KCNJ6: variants seen among roughly 807,000 people sequenced by gnomAD.
The protein encoded by KCNJ6 is potassium inwardly rectifying channel subfamily J member 6.
KCNJ6 carries 9 observed loss-of-function variants against 34.2 expected under a neutral mutation model. The observed-to-expected ratio is 0.26, with a 90% CI of 0.16 to 0.46. The LOEUF is 0.46. Ranked by LOEUF, KCNJ6 falls within the 20% of genes least tolerant of loss-of-function variation. The probability of loss-of-function intolerance (pLI) is 1.00; values close to 1 mark genes in which losing one functional copy is unlikely to be tolerated. For synonymous variants in KCNJ6, 196 were observed against 207.1 expected, an observed-to-expected ratio of 0.95 and a Z score of 0.46; for missense variants, 236 against 531.3, an observed-to-expected ratio of 0.44 and a Z score of 5.46.
chr21:37,703,891 C>G (rs2054705000), intron 3 of KCNJ6, among the ~76,000 whole-genome samples: 1 of 152,246 alleles, frequency 6.6e-6, no homozygotes, highest in African/African-American at 2.4e-5. Context: ...GAAATCCAGC[C>G]ACAGGTGAGG....
intron 1 of KCNJ6, among the ~76,000 whole-genome samples, chr21:37,909,659 C>T (rs952540687): frequency 3.3e-5 from 5 of 152,132 alleles, no homozygotes; most frequent in African/African-American, 7.2e-5. Context: ...TGTAAGCCAC[C>T]GCTCCTGGCC....
intron 2 of KCNJ6, among the ~76,000 whole-genome samples, chr21:37,838,697 T>C (rs1466335540): frequency 6.6e-6 from 1 of 152,248 alleles, no homozygotes; most frequent in Non-Finnish European, 1.5e-5. Flanking sequence ...CCACATTCTT[T>C]CATTCCAGGT....
intron 1 of KCNJ6, among the ~76,000 whole-genome samples, chr21:37,868,186 A>G (rs2055632478): frequency 6.6e-6 from 1 of 152,232 alleles, no homozygotes; most frequent in Admixed American, 6.5e-5. Flanking sequence ...GCACTTTGCA[A>G]ACAATGCAAT....
At chr21:37,802,923 G>C (rs965798834) in intron 2 of KCNJ6, among the ~76,000 whole-genome samples, 1 of 152,040 alleles carries the variant, frequency 6.6e-6, no homozygotes, top group African/African-American at 2.4e-5. Context: ...ATAAATACTC[G>C]ACTCTCCTGC....
intron 3 of KCNJ6, among the ~76,000 whole-genome samples, chr21:37,677,466 T>C (rs561263405): frequency 6.6e-6 from 1 of 152,070 alleles, no homozygotes; most frequent in Admixed American, 6.5e-5. Context: ...TACTAACGAG[T>C]GCTTTTATTT....
chr21:37,855,360 C>T (rs1267022187), intron 1 of KCNJ6, among the ~76,000 whole-genome samples: 1 of 152,070 alleles, frequency 6.6e-6, no homozygotes, highest in Non-Finnish European at 1.5e-5. Flanking sequence ...TCTCCATTCT[C>T]TTTAGCTTCT....
intron 3 of KCNJ6, among the ~76,000 whole-genome samples, chr21:37,666,960 G>GT (rs1203907683): frequency 2.7e-5 from 4 of 150,590 alleles, no homozygotes; most frequent in Non-Finnish European, 4.4e-5. Context: ...CAGCATACTC[G>GT]TTAAGAGTCA....
Position 37,617,804 on chromosome 21 carries a change from T to C in KCNJ6, c.*7355A>G, listed in dbSNP as rs545674445. ...TTCCTTACCCTGACTCCATTTATTT[T>C]ACTTGGACTTTCACATGGGAGGGCA... On this transcript the variant is annotated 3_prime_UTR_variant, in exon 4 of 4. Transcript: ENST00000609713. 6.6e-6 allele frequency: 1 copy of C among 152,394 alleles called. No homozygotes were observed. The highest frequency in any genetic ancestry group is 1.9e-4 in the East Asian group (1 of 5,190). The allele number at this position is 152,394 out of a possible 1,614,324, so 9.4% of individuals were successfully genotyped here. A position where few individuals can be genotyped will look rare whatever the true frequency, so the allele number is the denominator to read the frequency against.
chr21:37,702,087 G>T (rs2054694022), intron 3 of KCNJ6, among the ~76,000 whole-genome samples: 1 of 151,952 alleles, frequency 6.6e-6, no homozygotes, highest in Non-Finnish European at 1.5e-5. Context: ...ACAAAAATTA[G>T]CTGGGCGTGG....
At chr21:37,898,933 C>A (rs372092397) in intron 1 of KCNJ6, among the ~76,000 whole-genome samples, 2 of 152,128 alleles carry the variant, frequency 1.3e-5, no homozygotes, top group South Asian at 4.1e-4. Flanking sequence ...TGCTATATTT[C>A]TTTGTTGAAG....
At chr21:37,738,844 C>A (rs527695190) in intron 2 of KCNJ6, among the ~76,000 whole-genome samples, 2 of 152,302 alleles carry the variant, frequency 1.3e-5, no homozygotes, top group Non-Finnish European at 2.9e-5. Context: ...CCTTCTAGCA[C>A]CAATACTCCC....
At chr21:37,631,742 C>T (rs1392804599) in intron 3 of KCNJ6, among the ~76,000 whole-genome samples, 1 of 152,206 alleles carries the variant, frequency 6.6e-6, no homozygotes. Flanking sequence ...CCCTGCCTTT[C>T]TAACCGGAGG....
chr21:37,624,921 T>C lies in KCNJ6; in HGVS notation c.*238A>G. ...GTAGTATTTTGGGAGGAGACCAGGC[T>C]TGGGCCACAAATGAGGGCACTTTGC... is the stretch of plus-strand genomic sequence containing the variant. On this transcript the variant is annotated 3_prime_UTR_variant, in exon 4 of 4. Transcript: ENST00000609713. 1 of 553,320 alleles carries C rather than the reference T, an allele frequency of 1.8e-6. No homozygotes were observed. Among genetic ancestry groups the C allele is most frequent in the Admixed American group, 3.2e-5 (1 of 31,142 alleles). 34.3% of individuals were successfully genotyped at this position (553,320 alleles called of 1,614,324 possible). A position where few individuals can be genotyped will look rare whatever the true frequency, so the allele number is the denominator to read the frequency against.
At chr21:37,850,232 G>A (rs930549034) in intron 1 of KCNJ6, among the ~76,000 whole-genome samples, 14 of 152,074 alleles carry the variant, frequency 9.2e-5, no homozygotes, top group Admixed American at 2.0e-4. Context: ...ACTGATGATA[G>A]GGGCAGGATG....
At chr21:37,749,358 C>T (rs146191524) in intron 2 of KCNJ6, among the ~76,000 whole-genome samples, 2 of 152,192 alleles carry the variant, frequency 1.3e-5, no homozygotes, top group African/African-American at 4.8e-5. Flanking sequence ...GTGGGCAAGG[C>T]CAGGCAAGCA....
intron 2 of KCNJ6, among the ~76,000 whole-genome samples, chr21:37,740,701 T>C (rs1363377249): frequency 6.6e-6 from 1 of 152,250 alleles, no homozygotes; most frequent in East Asian, 1.9e-4. Flanking sequence ...TCAAATATTT[T>C]ACAGAGTTTG....
chr21:37,681,854 A>G (rs2123419034), intron 3 of KCNJ6, among the ~76,000 whole-genome samples: 1 of 152,202 alleles, frequency 6.6e-6, no homozygotes, highest in East Asian at 1.9e-4. Flanking sequence ...ACCTTGGTTC[A>G]GTGAGACCAC....
intron 3 of KCNJ6, among the ~76,000 whole-genome samples, chr21:37,677,235 G>A (rs1363065825): frequency 6.6e-6 from 1 of 152,168 alleles, no homozygotes; most frequent in Non-Finnish European, 1.5e-5. Flanking sequence ...GAGGACTCCG[G>A]TACACAGCCT....
intron 1 of KCNJ6, among the ~76,000 whole-genome samples, chr21:37,914,011 G>A (rs2055880663): frequency 8.2e-6 from 1 of 121,562 alleles, no homozygotes; most frequent in African/African-American, 4.9e-5. Flanking sequence ...GGATCGGGGT[G>A]TGTGTGTGTG....
Sources: gnomAD v4.1 joint callset for allele counts (sites outside exome capture counted in the v4.1 genomes callset) on GRCh38, gnomAD v4.1.1 for gene constraint, MANE v1.5 for transcripts, NCBI Gene and HGNC (gene_info 2026-07-23, HGNC 2026-07-21) for gene names.